Variants in ZFHX3 observed in about 807,000 individuals in gnomAD.
ZFHX3 encodes zinc finger homeobox protein 3.
A neutral mutation model predicts 279.1 loss-of-function variants in ZFHX3; 42 were observed. The ratio of observed to expected loss-of-function variants is 0.15; its 90% CI spans 0.12 to 0.19. ZFHX3 has a LOEUF of 0.19. Among genes scored for constraint, ZFHX3 ranks in the 10% least tolerant of loss-of-function variants. ZFHX3 has a pLI of 1.00. For synonymous variants in ZFHX3, 2,293 were observed against 1,957.8 expected, an observed-to-expected ratio of 1.17 and a Z score of -4.52; for missense variants, 4,981 against 4,754.0, an observed-to-expected ratio of 1.05 and a Z score of -1.40.
intron 2 of ZFHX3, among the ~76,000 whole-genome samples, chr16:73,552,927 T>C (rs1487861694): frequency 6.6e-6 from 1 of 152,212 alleles, no homozygotes; most frequent in Non-Finnish European, 1.5e-5. Flanking sequence ...GTGACCTAAG[T>C]TTCCTTCTCG....
intron 3 of ZFHX3, among the ~76,000 whole-genome samples, chr16:72,907,020 C>A (rs2039193566): frequency 6.6e-6 from 1 of 152,148 alleles, no homozygotes; most frequent in African/African-American, 2.4e-5. Context: ...GTGCTTTCTC[C>A]CGGGGCTACA....
intron 5 of ZFHX3, among the ~76,000 whole-genome samples, chr16:73,224,367 G>A (rs1302919819): frequency 6.6e-6 from 1 of 152,194 alleles, no homozygotes; most frequent in East Asian, 1.9e-4. Flanking sequence ...AGTAGATTTA[G>A]CATCACAATG....
At chr16:73,773,645 A>T (rs2054045373) in intron 1 of ZFHX3, among the ~76,000 whole-genome samples, 2 of 152,216 alleles carry the variant, frequency 1.3e-5, no homozygotes, top group Non-Finnish European at 2.9e-5. Context: ...TCAGGTAGAG[A>T]TATGTGAGCA....
chr16:73,386,293 CA>C (rs1174650653), intron 3 of ZFHX3, among the ~76,000 whole-genome samples: 1 of 152,080 alleles, frequency 6.6e-6, no homozygotes, highest in East Asian at 1.9e-4. Flanking sequence ...TTAAAAAACC[CA>C]CAGGACTCAG....
chr16:73,142,645 T>A (rs935254242), intron 6 of ZFHX3, among the ~76,000 whole-genome samples: 5 of 152,240 alleles, frequency 3.3e-5, no homozygotes, highest in African/African-American at 1.2e-4. Context: ...GTGTGGAATG[T>A]GATAAGTCAA....
chr16:73,797,515 C>T (rs965506705), intron 1 of ZFHX3, among the ~76,000 whole-genome samples: 2 of 152,082 alleles, frequency 1.3e-5, no homozygotes, highest in African/African-American at 4.8e-5. Context: ...GAGGTTTAGG[C>T]CCAGGGAGGT....
At chr16:73,154,214 C>T (rs572572600) in intron 5 of ZFHX3, among the ~76,000 whole-genome samples, 10 of 152,294 alleles carry the variant, frequency 6.6e-5, no homozygotes, top group East Asian at 3.9e-4. Context: ...GACATGGCTC[C>T]TTGCTGAGGC....
At chr16:73,609,337 A>C (rs964317335) in intron 2 of ZFHX3, 1 of 152,224 alleles carries the variant, frequency 6.6e-6, no homozygotes, top group Non-Finnish European at 1.5e-5. Flanking sequence ...GCTCGTGGAA[A>C]ATAAATGATC....
At chr16:73,153,751 G>A (rs1967007423) in intron 5 of ZFHX3, among the ~76,000 whole-genome samples, 1 of 152,060 alleles carries the variant, frequency 6.6e-6, no homozygotes, top group Admixed American at 6.6e-5. Context: ...CCGGGTTCAA[G>A]CAGTTCTCCT....
chr16:73,447,666 A>G (rs2018210820), intron 3 of ZFHX3, among the ~76,000 whole-genome samples: 1 of 152,136 alleles, frequency 6.6e-6, no homozygotes, highest in Admixed American at 6.5e-5. Flanking sequence ...CCCAATACAG[A>G]CAACAGATAG....
exon 1 of ZFHX3, chr16:73,058,587 GC>G: frequency 8.1e-6 from 2 of 247,254 alleles, no homozygotes; most frequent in East Asian, 6.9e-5. Context: ...GGCGGCGGCG[GC>G]GGGAGCTGGC....
chr16:73,858,564 A>G (rs1961800399), intron 1 of ZFHX3, among the ~76,000 whole-genome samples: 1 of 152,216 alleles, frequency 6.6e-6, no homozygotes, highest in Non-Finnish European at 1.5e-5. Flanking sequence ...ATTGCCACAC[A>G]TTGTCTCATC....
chr16:73,871,236 G>C (rs896679653), intron 1 of ZFHX3, among the ~76,000 whole-genome samples: 2 of 152,182 alleles, frequency 1.3e-5, no homozygotes, highest in African/African-American at 4.8e-5. Flanking sequence ...AGAAATGCTG[G>C]AAAGTTGTGC....
chr16:72,904,367 AAAATAAATAAATAAATAAATAAATAAAT>A (rs200166214), intron 3 of ZFHX3, among the ~76,000 whole-genome samples: 1 of 140,008 alleles, frequency 7.1e-6, no homozygotes, highest in Admixed American at 7.2e-5. Context: ...ATTCTGTCTC[AAAATAAATAAATAAATAAATAAATAAAT>A]AAATAAATAA....
chr16:73,488,765 G>T (rs1252685886), intron 2 of ZFHX3, among the ~76,000 whole-genome samples: 2 of 152,190 alleles, frequency 1.3e-5, no homozygotes, highest in Non-Finnish European at 2.9e-5. Context: ...TGACCCCATT[G>T]CTATTGAAGT....
Position 73,695,232 on chromosome 16 carries a change from G to GTTT in ZFHX3, c.-1607-14995_-1607-14993dup, listed in dbSNP as rs1409367239. 9.0e-4 allele frequency among the ~76,000 whole-genome samples: 70 copies of GTTT among 77,892 alleles called. 1 individual carries two copies. Among genetic ancestry groups the GTTT allele is most frequent in the Non-Finnish European group, 1.1e-3 (37 of 33,326 alleles). 51.1% of individuals were successfully genotyped at this position (77,892 alleles called of 152,430 possible). ...TTGCAGAAAATGTAATTCAAATACA[G>GTTT]TTTTTTTTTGTTTTTTTTTTTTGAG... On this transcript the variant is annotated intron_variant, in intron 1 of 17. Coordinates refer to the ZFHX3 transcript ENST00000641206.
intron 3 of ZFHX3, among the ~76,000 whole-genome samples, chr16:73,375,992 T>C (rs2016716414): frequency 6.6e-6 from 1 of 152,246 alleles, no homozygotes; most frequent in Admixed American, 6.5e-5. Flanking sequence ...TTTTGGTTTA[T>C]ACCTCTGTAA....
intron 5 of ZFHX3, among the ~76,000 whole-genome samples, chr16:73,246,432 G>T (rs1299596162): frequency 6.6e-6 from 1 of 152,180 alleles, no homozygotes; most frequent in African/African-American, 2.4e-5. Context: ...TGTGGGTAAT[G>T]GTTCAGAATC....
intron 3 of ZFHX3, among the ~76,000 whole-genome samples, chr16:72,897,588 G>A (rs538989177): frequency 2.7e-4 from 41 of 152,044 alleles, no homozygotes; most frequent in Admixed American, 2.0e-3. Context: ...CTATAGGTGC[G>A]TGCCATCATG....
Sources: gnomAD v4.1 joint callset for allele counts (sites outside exome capture counted in the v4.1 genomes callset) on GRCh38, gnomAD v4.1.1 for gene constraint, MANE v1.5 for transcripts, NCBI Gene and HGNC (gene_info 2026-07-23, HGNC 2026-07-21) for gene names.